The following PMF1 variants were observed in gnomAD, a reference collection of about 807,000 sequenced individuals.
The protein encoded by PMF1 is polyamine modulated factor 1.
Under a neutral mutation model 26.7 loss-of-function variants are expected in PMF1, and 21 were observed. The observed-to-expected ratio is 0.79, with a 90% CI of 0.56 to 1.13. The LOEUF is 1.13. Among genes scored for constraint, PMF1 ranks in the 50% most tolerant of loss-of-function variants. The pLI is 0.00. For synonymous variants in PMF1, 105 were observed against 101.0 expected (o/e 1.04, Z -0.24); for missense variants, 266 against 254.9 (o/e 1.04, Z -0.30).
In PMF1 at chr1:156,232,407, G is replaced by A; in HGVS notation, c.249G>A (p.Gln83=). 6.2e-7 allele frequency: 1 copy of A among 1,614,020 alleles called. No homozygotes were observed. The highest frequency in any genetic ancestry group is 1.7e-5 in the Admixed American group (1 of 60,014). Residue 83 remains glutamine (Q), a synonymous_variant, in exon 2 of 5, where the codon CAG becomes CAA. Coordinates refer to ENST00000368277, the MANE Select transcript of PMF1 (RefSeq NM_007221.4). ...TQQIYDKFIA[Q]LQTSIREEIS... ...AAATCTATGACAAGTTTATAGCTCA[G>A]TTGCAGACATCTATCCGGGTGAGTG...
chr1:156,227,589 C>T (rs2984613), intron 1 of PMF1, among the ~76,000 whole-genome samples: 48,114 of 149,198 alleles, frequency 0.32, 7,902 homozygotes, highest in Non-Finnish European at 0.35. Context: ...CTCCGCCTCC[C>T]GGGTTCAAGC....
chr1:156,224,577 C>T (rs1225917812), intron 1 of PMF1, among the ~76,000 whole-genome samples: 2 of 151,850 alleles, frequency 1.3e-5, no homozygotes, highest in Non-Finnish European at 2.9e-5. Flanking sequence ...GAGACCGAGA[C>T]CACGGTGAAA....
intron 3 of PMF1, 146 bp from the exon 4 acceptor site, chr1:156,236,142 G>T: frequency 9.7e-7 from 1 of 1,034,004 alleles, no homozygotes; most frequent in Non-Finnish European, 1.4e-6. Flanking sequence ...GTCTTGGGAG[G>T]TGAGAGGGAC....
intron 1 of PMF1, among the ~76,000 whole-genome samples, chr1:156,231,626 C>T (rs1658712779): frequency 6.6e-6 from 1 of 151,152 alleles, no homozygotes; most frequent in Admixed American, 6.6e-5. Context: ...TCGCTTGAAC[C>T]CAGGAGGCAG....
chr1:156,229,174 C>T (rs550214717), intron 1 of PMF1, among the ~76,000 whole-genome samples: 35 of 152,106 alleles, frequency 2.3e-4, no homozygotes, highest in Admixed American at 1.8e-3. Context: ...TCCCAAAGTG[C>T]TAGGAATACA....
intron 1 of PMF1, chr1:156,225,665 G>A (rs1352424474): frequency 7.8e-6 from 12 of 1,544,780 alleles, no homozygotes; most frequent in Non-Finnish European, 9.7e-6. Context: ...CACAGGGGAG[G>A]AAGGCAAGTC....
In PMF1 at chr1:156,236,298, G is replaced by A. The variant is rs766235404; in HGVS notation, c.379G>A (p.Gly127Arg). 26 of 1,608,098 alleles carry A rather than the reference G, an allele frequency of 1.6e-5. No individual in the cohort carries two copies. Among genetic ancestry groups the A allele is most frequent in the East Asian group, 1.3e-4 (6 of 44,728 alleles). ...CGTGTGGCCCTCCAGGCGCCCCAGC[G>A]GGATCCCAGAGAAGGATCTGCACAG... ...VRKEPAWRPS[G>R]IPEKDLHSVM... Residue 127 changes from glycine to arginine, a missense_variant, in exon 4 of 5, where the codon GGG becomes AGG. By Grantham distance (125) the Gly-to-Arg change is moderately radical. Coordinates refer to ENST00000368277, the MANE Select transcript of PMF1 (RefSeq NM_007221.4).
chr1:156,220,584 T>G (rs1474830283), intron 1 of PMF1: 1 of 151,974 alleles, frequency 6.6e-6, no homozygotes, highest in East Asian at 1.9e-4. Context: ...TCAACGTAAT[T>G]AATAACCTCT....
intron 1 of PMF1, chr1:156,223,835 A>G (rs975927118): frequency 6.6e-6 from 1 of 152,054 alleles, no homozygotes; most frequent in Non-Finnish European, 1.5e-5. Flanking sequence ...GCTGTCTCAT[A>G]CCCATTTTCC....
At chr1:156,230,083 C>T (rs1658610228) in intron 1 of PMF1, among the ~76,000 whole-genome samples, 2 of 152,138 alleles carry the variant, frequency 1.3e-5, no homozygotes, top group Non-Finnish European at 2.9e-5. Flanking sequence ...CTTAAAGAGC[C>T]ATGAGAAAGG....
chr1:156,225,565 T>C, intron 1 of PMF1: 1 of 1,547,580 alleles, frequency 6.5e-7, no homozygotes, highest in African/African-American at 1.4e-5. Context: ...AGCTCTCCAC[T>C]CCTTCATTGG....
chr1:156,232,237 A>T, intron 1 of PMF1, 83 bp from the exon 2 acceptor site: 2 of 1,200,618 alleles, frequency 1.7e-6, no homozygotes, highest in South Asian at 2.5e-5. Flanking sequence ...GAGTCCTGTA[A>T]TGCGAAGCGG....
At chr1:156,222,853 G>A (rs1658161552) in intron 1 of PMF1, among the ~76,000 whole-genome samples, 1 of 152,208 alleles carries the variant, frequency 6.6e-6, no homozygotes, top group African/African-American at 2.4e-5. Flanking sequence ...AGATGTCCTT[G>A]TGGTTCAGTC....
At chr1:156,213,389 T>C (rs1374280285) in intron 1 of PMF1, among the ~76,000 whole-genome samples, 1 of 152,208 alleles carries the variant, frequency 6.6e-6, no homozygotes, top group Non-Finnish European at 1.5e-5. Context: ...AGCTACTCCT[T>C]CCTACAGGAA....
At chr1:156,220,993 G>A (rs1185045608) in intron 1 of PMF1, 1 of 152,104 alleles carries the variant, frequency 6.6e-6, no homozygotes, top group Non-Finnish European at 1.5e-5. Context: ...TGCTTTCCTT[G>A]TAGGCTTTGA....
chr1:156,231,672 C>T (rs540522508), intron 1 of PMF1, among the ~76,000 whole-genome samples: 1 of 152,106 alleles, frequency 6.6e-6, no homozygotes, highest in East Asian at 1.9e-4. Context: ...CACTGCACTC[C>T]AGCCGGGTGA....
Position 156,219,974 on chromosome 1 carries a change from T to C in PMF1, c.161+6798T>C, listed in dbSNP as rs199669916. ...TATGTTGCCCATGCTGGTCTTTTTT[T>C]TTTTTTTGAGATGGAGTCTGGCTCT... is the stretch of plus-strand genomic sequence containing the variant. On this transcript the variant is annotated intron_variant, in intron 1 of 4. Coordinates refer to ENST00000368277, the MANE Select transcript of PMF1 (RefSeq NM_007221.4). 1.1e-4 allele frequency among the ~76,000 whole-genome samples: 17 copies of C among 151,280 alleles called. No homozygotes were observed. In the East Asian group the frequency reaches 2.9e-3, roughly 26 times the overall value.
intron 4 of PMF1, 182 bp downstream of exon 4, chr1:156,236,665 G>A: frequency 1.3e-6 from 1 of 768,150 alleles, no homozygotes; most frequent in Non-Finnish European, 2.0e-6. Context: ...GCCAGCCTCA[G>A]CAGACAGTCT....
intron 1 of PMF1, among the ~76,000 whole-genome samples, chr1:156,213,854 G>C (rs1657534010): frequency 6.6e-6 from 1 of 152,204 alleles, no homozygotes; most frequent in African/African-American, 2.4e-5. Context: ...GAGATTGCCA[G>C]GACTAAATGT....
Sources: gnomAD v4.1 joint callset for allele counts (sites outside exome capture counted in the v4.1 genomes callset) on GRCh38, gnomAD v4.1.1 for gene constraint, MANE v1.5 for transcripts, NCBI Gene and HGNC (gene_info 2026-07-23, HGNC 2026-07-21) for gene names.